The following RSRP1 variants were observed in gnomAD, a reference collection of about 807,000 sequenced individuals.
RSRP1 encodes arginine/serine-rich protein 1.
RSRP1 carries 37 observed loss-of-function variants against 33.0 expected under a neutral mutation model. The observed-to-expected ratio is 1.12, with a 90% CI of 0.86 to 1.48. The LOEUF (loss-of-function observed/expected upper bound fraction) is 1.48. RSRP1 is among the 40% of genes most tolerant of loss of function. RSRP1 has a pLI of 0.00. For missense variants in RSRP1, 402 were observed against 385.3 expected (o/e 1.04, Z -0.36); for synonymous variants, 167 against 158.7 (o/e 1.05, Z -0.40).
chr1:25,273,573 C>T (rs1449433565), intron 1 of RSRP1, among the ~76,000 whole-genome samples: 1 of 89,058 alleles, frequency 1.1e-5, no homozygotes, highest in African/African-American at 3.5e-5. Flanking sequence ...TCTATAAATC[C>T]AGAACCAGAA....
chr1:25,279,085 C>T (rs143357003), intron 1 of RSRP1, among the ~76,000 whole-genome samples: 2,171 of 128,582 alleles, frequency 0.017, 359 homozygotes, highest in African/African-American at 0.055. Flanking sequence ...GGCAGCTGAC[C>T]GGAGGAGGCA....
chr1:25,283,879 C>G (rs28534420), intron 1 of RSRP1, among the ~76,000 whole-genome samples: 1 of 133,982 alleles, frequency 7.5e-6, no homozygotes, highest in Non-Finnish European at 1.8e-5. Flanking sequence ...GCTCACCCTC[C>G]GCTTTGCTGG....
At chr1:25,262,802 C>T (rs1440229056) in intron 1 of RSRP1, among the ~76,000 whole-genome samples, 1 of 152,178 alleles carries the variant, frequency 6.6e-6, no homozygotes, top group Non-Finnish European at 1.5e-5. Flanking sequence ...GAGAGTAAGA[C>T]CAATTTGCCT....
chr1:25,252,359 T>C (rs1437810180), upstream of RSRP1, among the ~76,000 whole-genome samples: 3 of 151,886 alleles, frequency 2.0e-5, no homozygotes, highest in African/African-American at 4.8e-5. Context: ...AGAAGGTGCA[T>C]TGAGCAAATA....
At chr1:25,284,346 A>C (rs969343166) in intron 1 of RSRP1, among the ~76,000 whole-genome samples, 2 of 135,788 alleles carry the variant, frequency 1.5e-5, no homozygotes, top group African/African-American at 5.1e-5. Flanking sequence ...GTGCTTAATT[A>C]GCTTTAGCTC....
Position 25,295,761 on chromosome 1 carries a change from A to G in RSRP1, c.-67+42217T>C, listed in dbSNP as rs528651743. Reference sequence around the variant, plus strand: ...GCCGGGAGGCTGAGACCACAGCAAGAAAGGGAGAGTGTGATGGCATCTTCT... The same window carrying G: ...GCCGGGAGGCTGAGACCACAGCAAGGAAGGGAGAGTGTGATGGCATCTTCT... On this transcript the variant is annotated intron_variant, in intron 1 of 1. Transcript: ENST00000561867. Among the ~76,000 whole-genome samples the G allele has an allele frequency of 4.6e-5, 5 of 108,772 alleles. 1 individual carries two copies. Among genetic ancestry groups the G allele is most frequent in the African/African-American group, 1.5e-4 (5 of 33,104 alleles). The allele number at this position is 108,772 out of a possible 152,430, so 71.4% of individuals were successfully genotyped here. A position where few individuals can be genotyped will look rare whatever the true frequency, so the allele number is the denominator to read the frequency against.
At chr1:25,275,321 G>A (rs949449864) in intron 1 of RSRP1, among the ~76,000 whole-genome samples, 11 of 131,720 alleles carry the variant, frequency 8.4e-5, no homozygotes, top group African/African-American at 2.3e-4. Context: ...AAATAAAGAG[G>A]GAAGCAGCGG....
In RSRP1 at chr1:25,331,734, A is replaced by ATT. The variant is rs71014355; in HGVS notation, c.-67+6242_-67+6243dup. 1.1e-3 allele frequency among the ~76,000 whole-genome samples: 46 copies of ATT among 43,180 alleles called. 1 individual carries two copies. The highest frequency in any genetic ancestry group is 2.8e-3 in the African/African-American group (43 of 15,156). The allele number at this position is 43,180 out of a possible 152,430, so 28.3% of individuals were successfully genotyped here. ...AGGCGTCCGCCAAGATGCCCAGCTA[A>ATT]TTTTTTTTTTTTTTTTTTTTTTTGA... On this transcript the variant is annotated intron_variant, in intron 1 of 1. Coordinates refer to the RSRP1 transcript ENST00000561867.
In RSRP1 at chr1:25,279,509, C is replaced by T. The variant is rs1237306075; in HGVS notation, c.-66-32480G>A. Among the ~76,000 whole-genome samples, 37 of 125,846 alleles carry T rather than the reference C, an allele frequency of 2.9e-4. 7 individuals are homozygous for T. The highest frequency in any genetic ancestry group is 4.8e-4 in the Non-Finnish European group (26 of 54,074). 82.6% of individuals were successfully genotyped at this position (125,846 alleles called of 152,430 possible). A position where few individuals can be genotyped will look rare whatever the true frequency, so the allele number is the denominator to read the frequency against. Reference sequence around the variant, plus strand: ...CTAGGTAGGTAGGGTTTGAATCCTCCTGCTACCATTTACTAGCTCTGTGAC... The same window carrying T: ...CTAGGTAGGTAGGGTTTGAATCCTCTTGCTACCATTTACTAGCTCTGTGAC... On this transcript the variant is annotated intron_variant, in intron 1 of 1. Transcript: ENST00000561867.
At chr1:25,244,441 A>G (rs780607356) in intron 3 of RSRP1, 9 of 1,289,308 alleles carry the variant, frequency 7.0e-6, no homozygotes, top group Non-Finnish European at 5.1e-6. Context: ...GCTTTAGCCC[A>G]TGTATCAATT....
intron 1 of RSRP1, chr1:25,301,552 T>C: frequency 7.3e-7 from 1 of 1,378,810 alleles, no homozygotes; most frequent in Non-Finnish European, 1.0e-6. Context: ...CTGGCCAAGT[T>C]TCAACTCTGC....
chr1:25,284,662 A>G (rs749917463), intron 1 of RSRP1: 4 of 1,388,678 alleles, frequency 2.9e-6, no homozygotes, highest in Non-Finnish European at 4.1e-6. Flanking sequence ...TGTGGCCTTC[A>G]ACCTCTTCAT....
At chr1:25,244,504 A>C (rs1360461340) in intron 3 of RSRP1, 2 of 1,289,186 alleles carry the variant, frequency 1.6e-6, no homozygotes, top group Admixed American at 2.3e-5. Context: ...GATTTCTATA[A>C]GACAGAAATA....
intron 1 of RSRP1, chr1:25,322,079 G>A (rs1281839559): frequency 1.8e-6 from 1 of 561,040 alleles, no homozygotes; most frequent in East Asian, 2.7e-5. Context: ...ATGGAGTAAG[G>A]AGCATTGCAG....
rs201934298 is a variant in RSRP1 at position 25,245,311 on chromosome 1, A to G, written c.521-10T>C. 1.1e-4 allele frequency: 183 copies of G among 1,603,672 alleles called. No homozygotes were observed. The highest frequency in any genetic ancestry group is 5.0e-4 in the Middle Eastern group (3 of 6,054). On this transcript the variant is annotated splice_polypyrimidine_tract_variant and intron_variant, in intron 2 of 4. Coordinates refer to ENST00000243189, the MANE Select transcript of RSRP1 (RefSeq NM_020317.5). ...AACAGCTCCATTCGATCTAAAAAAA[A>G]AAGAGAGAGATTTTAAAATACTCAT...
In RSRP1 at chr1:25,291,053, G is replaced by A; in HGVS notation, c.-66-44024C>T. Among the ~76,000 whole-genome samples, 2 of 131,256 alleles carry A rather than the reference G, an allele frequency of 1.5e-5. 1 individual carries two copies. The highest frequency in any genetic ancestry group is 3.6e-5 in the Non-Finnish European group (2 of 55,598). The allele number at this position is 131,256 out of a possible 152,430, so 86.1% of individuals were successfully genotyped here. On this transcript the variant is annotated intron_variant, in intron 1 of 1. Coordinates refer to the RSRP1 transcript ENST00000561867. ...AGTCTCAGTTACTCAGGAGGCTGAG[G>A]TGTGAGTTGGAAGGATTGTTTGAGC...
At chr1:25,314,388 G>A (rs1319803990) in intron 1 of RSRP1, among the ~76,000 whole-genome samples, 1 of 133,246 alleles carries the variant, frequency 7.5e-6, no homozygotes, top group South Asian at 2.3e-4. Flanking sequence ...GTCTATTCAA[G>A]TTAGTTTGCC....
chr1:25,269,309 G>C (rs539702875), intron 1 of RSRP1, among the ~76,000 whole-genome samples: 1 of 132,576 alleles, frequency 7.5e-6, no homozygotes, highest in East Asian at 1.9e-4. Context: ...GTGGTGGGAT[G>C]GGAACTCTAA....
chr1:25,309,653 C>T (rs1644034334), intron 1 of RSRP1, among the ~76,000 whole-genome samples: 1 of 132,080 alleles, frequency 7.6e-6, no homozygotes, highest in South Asian at 2.3e-4. Flanking sequence ...AAGCATCTGG[C>T]CAAGCTTTGT....
Sources: allele counts gnomAD v4.1 joint callset (sites outside exome capture counted in the v4.1 genomes callset), GRCh38; gene constraint gnomAD v4.1.1; transcripts MANE v1.5; gene names NCBI Gene and HGNC (gene_info 2026-07-23, HGNC 2026-07-21).